GJD3: variants seen among roughly 807,000 people sequenced by gnomAD.
GJD3 encodes gap junction protein delta 3.
For missense variants in GJD3, 421 were observed against 448.5 expected, an observed-to-expected ratio of 0.94 and a Z score of 0.55; for synonymous variants, 217 against 226.7, an observed-to-expected ratio of 0.96 and a Z score of 0.38.
chr17:40,363,092 G>A lies in GJD3; in HGVS notation c.724C>T (p.Pro242Ser). 1.6e-6 allele frequency: 2 copies of A among 1,273,988 alleles called. No homozygotes were observed. Among genetic ancestry groups the A allele is most frequent in the South Asian group, 2.6e-5 (1 of 38,302 alleles). 78.9% of individuals were successfully genotyped at this position (1,273,988 alleles called of 1,614,324 possible). A position where few individuals can be genotyped will look rare whatever the true frequency, so the allele number is the denominator to read the frequency against. ...EEAQKLLPPPPPPPPPPALPS... is the reference protein window; with the variant it reads ...EEAQKLLPPPSPPPPPPALPS... Reference sequence around the variant, plus strand: ...AGGGCCGGTGGCGGAGGTGGCGGCGGCGGCGGCGGGAGCAGCTTCTGCGCC... The same window carrying A: ...AGGGCCGGTGGCGGAGGTGGCGGCGACGGCGGCGGGAGCAGCTTCTGCGCC... Residue 242 changes from proline to serine, a missense_variant, in exon 1 of 1, where the codon CCG (proline) becomes TCG (serine). Pro to Ser is a moderately conservative substitution (Grantham distance 74). Transcript: ENST00000578689. This position sits in a 1 kb window ranked among gnomAD's most constrained non-coding sequence, Gnocchi z 5.5.
At position 40,362,186 on chromosome 17, in the gene GJD3, G is replaced by A. The variant is rs1024508752; in HGVS notation, c.*745C>T. Among the ~76,000 whole-genome samples the A allele has an allele frequency of 2.8e-4, 42 of 151,480 alleles. No individual in the cohort carries two copies. Among genetic ancestry groups the A allele is most frequent in the Admixed American group, 2.6e-4 (4 of 15,218 alleles). On this transcript the variant is annotated 3_prime_UTR_variant, in exon 1 of 1. Transcript: ENST00000578689. Reference sequence around the variant, plus strand: ...CGCGTGCACACACAGAGGTCACGCCGGATGTACACATGCACACATAGCGCA... The same window carrying A: ...CGCGTGCACACACAGAGGTCACGCCAGATGTACACATGCACACATAGCGCA...
chr17:40,363,209 G>A lies in GJD3; in HGVS notation c.607C>T (p.Leu203=). 1 of 1,448,786 alleles carries A rather than the reference G, an allele frequency of 6.9e-7. No homozygotes were observed. Among genetic ancestry groups the A allele is most frequent in the Non-Finnish European group, 9.1e-7 (1 of 1,099,558 alleles). 89.7% of individuals were successfully genotyped at this position (1,448,786 alleles called of 1,614,324 possible). A position where few individuals can be genotyped will look rare whatever the true frequency, so the allele number is the denominator to read the frequency against. ...FYFAVGLLSA[L]LSVAELGHLL... Reference sequence around the variant, plus strand: ...TGGCCCAGCTCGGCTACGCTGAGCAGCGCCGACAGCAGCCCCACCGCGAAA... The same window carrying A: ...TGGCCCAGCTCGGCTACGCTGAGCAACGCCGACAGCAGCCCCACCGCGAAA... Residue 203 remains leucine, a synonymous_variant, in exon 1 of 1, where the codon CTG becomes TTG. Coordinates refer to ENST00000578689, the MANE Select transcript of GJD3 (RefSeq NM_152219.4). The surrounding 1 kb of genome is among the most constrained non-coding windows in gnomAD (Gnocchi z 5.5).
rs955710761 is a variant in GJD3, at chr17:40,363,992, G to A, written c.-177C>T. ...GTATGAAACGGAGGGCCACGGGAGG[G>A]CCCGAGGGGAGCAGGCGACGCTCAG... On this transcript the variant is annotated 5_prime_UTR_variant, in exon 1 of 1. Transcript: ENST00000578689. The surrounding 1 kb of genome is among the most constrained non-coding windows in gnomAD (Gnocchi z 5.5). 7 of 821,916 alleles carry A rather than the reference G, an allele frequency of 8.5e-6. No homozygotes were observed. In the African/African-American group the frequency reaches 1.2e-4, roughly 14 times the overall value. The allele number at this position is 821,916 out of a possible 1,614,324, so 50.9% of individuals were successfully genotyped here.
rs1237827996 is a variant in GJD3 at position 40,362,286 on chromosome 17, TCACA to T, written c.*641_*644del. 6.6e-6 allele frequency among the ~76,000 whole-genome samples: 1 copy of T among 152,106 alleles called. No individual in the cohort carries two copies. Among genetic ancestry groups the T allele is most frequent in the African/African-American group, 2.4e-5 (1 of 41,400 alleles). On this transcript the variant is annotated 3_prime_UTR_variant, in exon 1 of 1. Coordinates refer to ENST00000578689, the MANE Select transcript of GJD3 (RefSeq NM_152219.4). ...ACATGTGCGTGTGTGCACAATGCACTCACACAAAGCTCACAGGGATGTGAGTACA... is the reference window on the plus strand; with the variant it reads ...ACATGTGCGTGTGTGCACAATGCACTCAAAGCTCACAGGGATGTGAGTACA...
Position 40,363,998 on chromosome 17 carries a change from G to T in GJD3, c.-183C>A, listed in dbSNP as rs2034779377. On this transcript the variant is annotated 5_prime_UTR_variant, in exon 1 of 1. Transcript: ENST00000578689. The surrounding 1 kb of genome is among the most constrained non-coding windows in gnomAD (Gnocchi z 5.5). ...AACGGAGGGCCACGGGAGGGCCCGA[G>T]GGGAGCAGGCGACGCTCAGCTATGG... is the stretch of plus-strand genomic sequence containing the variant. The T allele has an allele frequency of 1.3e-6, 1 of 770,514 alleles. No individual in the cohort carries two copies. The highest frequency in any genetic ancestry group is 2.1e-6 in the Non-Finnish European group (1 of 480,484). The allele number at this position is 770,514 out of a possible 1,614,324, so 47.7% of individuals were successfully genotyped here.
chr17:40,363,957 G>A lies in GJD3; in HGVS notation c.-142C>T. ...GAGGTAGGAGAGGCCCGGGTTTAGC[G>A]ATGAGACCAGTATGAAACGGAGGGC... On this transcript the variant is annotated 5_prime_UTR_variant, in exon 1 of 1. Transcript: ENST00000578689. The surrounding 1 kb of genome is among the most constrained non-coding windows in gnomAD (Gnocchi z 5.5). 1.7e-6 allele frequency: 2 copies of A among 1,170,706 alleles called. No homozygotes were observed. Among genetic ancestry groups the A allele is most frequent in the East Asian group, 2.6e-5 (1 of 38,728 alleles). The allele number at this position is 1,170,706 out of a possible 1,614,324, so 72.5% of individuals were successfully genotyped here.
At position 40,363,821 on chromosome 17, in the gene GJD3, TG is replaced by T; in HGVS notation, c.-7del. The T allele has an allele frequency of 1.9e-6, 3 of 1,590,852 alleles. No individual in the cohort carries two copies. The highest frequency in any genetic ancestry group is 2.6e-6 in the Non-Finnish European group (3 of 1,168,266). The stretch of plus-strand genomic sequence containing the variant: ...AGGAACGCCCACTCCCCCATGGCGC[TG>T]GGGACGCGGGGCGGGGAGTCAGGGG... On this transcript the variant is annotated 5_prime_UTR_variant, in exon 1 of 1. Transcript: ENST00000578689. The surrounding 1 kb of genome is among the most constrained non-coding windows in gnomAD (Gnocchi z 5.5).
In GJD3 at chr17:40,362,979, G is replaced by A; in HGVS notation, c.837C>T (p.Gly279=). The A allele has an allele frequency of 8.1e-7, 1 of 1,235,724 alleles. No homozygotes were observed. Among genetic ancestry groups the A allele is most frequent in the Non-Finnish European group, 1.0e-6 (1 of 987,724 alleles). 76.5% of individuals were successfully genotyped at this position (1,235,724 alleles called of 1,614,324 possible). The change falls in exon 1 of 1, where the codon GGC becomes GGT. Residue 279 remains glycine (G), a synonymous_variant. Transcript: ENST00000578689. ...CGGTGGCCGGTGACGCCTTGCCGCGGCCGCTGCCGCACTCGCGGAGGCTGG... is the reference window on the plus strand; with the variant it reads ...CGGTGGCCGGTGACGCCTTGCCGCGACCGCTGCCGCACTCGCGGAGGCTGG... The part of the protein sequence containing the change: ...APASLRECGS[G]RGKASPATGR...
At position 40,363,658 on chromosome 17, in the gene GJD3, A is replaced by G. The variant is rs2034775431; in HGVS notation, c.158T>C (p.Val53Ala). 3 of 1,608,372 alleles carry G rather than the reference A, an allele frequency of 1.9e-6. No individual in the cohort carries two copies. Residue 53 changes from valine (V) to alanine (A), a missense_variant, in exon 1 of 1, where the codon GTG becomes GCG. Coordinates refer to ENST00000578689, the MANE Select transcript of GJD3 (RefSeq NM_152219.4). This position sits in a 1 kb window ranked among gnomAD's most constrained non-coding sequence, Gnocchi z 5.5. ...AVFEDEQEEF[V>A]CNTLQPGCRQ... ...ACAGCCCGGCTGCAGCGTGTTGCAC[A>G]CGAACTCCTCTTGCTCGTCCTCGAA...
rs1169679330 is a variant in GJD3 at position 40,361,032 on chromosome 17, C to T, written c.*1899G>A. The T allele has an allele frequency of 6.6e-6, 3 of 456,486 alleles. No individual in the cohort carries two copies. The highest frequency in any genetic ancestry group is 6.0e-5 in the African/African-American group (3 of 50,072). 28.3% of individuals were successfully genotyped at this position (456,486 alleles called of 1,614,324 possible). ...GCAATGCCATCCTGCAGGAGAAGTG[C>T]TTTCCCTACGGAAGCGAGGGGCATC... On this transcript the variant is annotated 3_prime_UTR_variant, in exon 1 of 1. Coordinates refer to ENST00000578689, the MANE Select transcript of GJD3 (RefSeq NM_152219.4).
chr17:40,362,976 G>A lies in GJD3; in HGVS notation c.840C>T (p.Arg280=). The change falls in exon 1 of 1, where the codon CGC becomes CGT. Residue 280 remains arginine (R), a synonymous_variant. Coordinates refer to ENST00000578689, the MANE Select transcript of GJD3 (RefSeq NM_152219.4). ...GGCCGGTGGCCGGTGACGCCTTGCC[G>A]CGGCCGCTGCCGCACTCGCGGAGGC... The part of the protein sequence containing the change: ...PASLRECGSG[R]GKASPATGRR... 1 of 1,237,402 alleles carries A rather than the reference G, an allele frequency of 8.1e-7. No individual in the cohort carries two copies. Among genetic ancestry groups the A allele is most frequent in the South Asian group, 2.9e-5 (1 of 34,176 alleles). 76.7% of individuals were successfully genotyped at this position (1,237,402 alleles called of 1,614,324 possible).
In GJD3 at chr17:40,363,030, C is replaced by T; in HGVS notation, c.786G>A (p.Pro262=). ...CCGGCGCCGGGTGCGCATAGGCCGG[C>T]GGGGCGCACGGCTCGGGGCCGGGGC... ...SRRPGPEPCA[P]PAYAHPAPAS... Residue 262 remains proline (P), a synonymous_variant, in exon 1 of 1, where the codon CCG becomes CCA. Transcript: ENST00000578689. This position sits in a 1 kb window ranked among gnomAD's most constrained non-coding sequence, Gnocchi z 5.5. 2.5e-6 allele frequency: 3 copies of T among 1,207,294 alleles called. No individual in the cohort carries two copies. Among genetic ancestry groups the T allele is most frequent in the Admixed American group, 4.4e-5 (1 of 22,522 alleles). The allele number at this position is 1,207,294 out of a possible 1,614,324, so 74.8% of individuals were successfully genotyped here. A position where few individuals can be genotyped will look rare whatever the true frequency, so the allele number is the denominator to read the frequency against.
In GJD3 at chr17:40,363,051, G is replaced by A. The variant is rs1294992781; in HGVS notation, c.765C>T (p.Pro255=). ...CCGGCGGGGCGCACGGCTCGGGGCC[G>A]GGGCGCCGGGAGGGCAGGGCCGGTG... ...PPPPALPSRR[P]GPEPCAPPAY... is the part of the protein sequence containing the mutation. Residue 255 remains proline (P), a synonymous_variant, in exon 1 of 1, where the codon CCC becomes CCT. Coordinates refer to ENST00000578689, the MANE Select transcript of GJD3 (RefSeq NM_152219.4). This position sits in a 1 kb window ranked among gnomAD's most constrained non-coding sequence, Gnocchi z 5.5. The A allele has an allele frequency of 5.7e-6, 7 of 1,227,138 alleles. No homozygotes were observed. Among genetic ancestry groups the A allele is most frequent in the Admixed American group, 4.3e-5 (1 of 23,052 alleles). 76.0% of individuals were successfully genotyped at this position (1,227,138 alleles called of 1,614,324 possible). A position where few individuals can be genotyped will look rare whatever the true frequency, so the allele number is the denominator to read the frequency against.
rs776177085 is a variant in GJD3 at position 40,363,590 on chromosome 17, G to A, written c.226C>T (p.Arg76Cys). Residue 76 changes from arginine (R) to cysteine (C), a missense_variant, in exon 1 of 1, where the codon CGC becomes TGC. Arg to Cys is a radical substitution (Grantham distance 180). Coordinates refer to ENST00000578689, the MANE Select transcript of GJD3 (RefSeq NM_152219.4). This position sits in a 1 kb window ranked among gnomAD's most constrained non-coding sequence, Gnocchi z 5.5. ...AGCAGGATGTGGAAGAGCCAGAAGCGGTAGTGGGAGACCGGGAAGGCGCGG... is the reference window on the plus strand; with the variant it reads ...AGCAGGATGTGGAAGAGCCAGAAGCAGTAGTGGGAGACCGGGAAGGCGCGG... ...YDRAFPVSHY[R>C]FWLFHILLLS... The A allele has an allele frequency of 1.3e-6, 2 of 1,598,878 alleles. No individual in the cohort carries two copies. Among genetic ancestry groups the A allele is most frequent in the Non-Finnish European group, 1.7e-6 (2 of 1,173,366 alleles).
chr17:40,363,253 GTCTTCTCGGTGGGCCGGC>G lies in GJD3; in HGVS notation c.545_562del (p.Ser182_Lys187del). The stretch of plus-strand genomic sequence containing the variant: ...CGCGAAATAGAAGAGCACGAAGACG[GTCTTCTCGGTGGGCCGGC>G]TCACGAAGCAGTCGACCGTGTGCGG... On this transcript the variant is annotated inframe_deletion, in exon 1 of 1. Coordinates refer to ENST00000578689, the MANE Select transcript of GJD3 (RefSeq NM_152219.4). The surrounding 1 kb of genome is among the most constrained non-coding windows in gnomAD (Gnocchi z 5.5). 6.9e-7 allele frequency: 1 copy of G among 1,443,222 alleles called. No individual in the cohort carries two copies. Among genetic ancestry groups the G allele is most frequent in the African/African-American group, 1.5e-5 (1 of 68,048 alleles). The allele number at this position is 1,443,222 out of a possible 1,614,324, so 89.4% of individuals were successfully genotyped here.
In GJD3 at chr17:40,362,251, C is replaced by T. The variant is rs968713798; in HGVS notation, c.*680G>A. Among the ~76,000 whole-genome samples, 1 of 152,124 alleles carries T rather than the reference C, an allele frequency of 6.6e-6. No homozygotes were observed. Among genetic ancestry groups the T allele is most frequent in the African/African-American group, 2.4e-5 (1 of 41,406 alleles). On this transcript the variant is annotated 3_prime_UTR_variant, in exon 1 of 1. Coordinates refer to ENST00000578689, the MANE Select transcript of GJD3 (RefSeq NM_152219.4). ...TGTACAGGTGTGCACACGCAGCCCA[C>T]ACAGAATGGACATGTGCGTGTGTGC...
In GJD3 at chr17:40,363,504, C is replaced by A. The variant is rs760199797; in HGVS notation, c.312G>T (p.Ala104=). 8.4e-6 allele frequency: 13 copies of A among 1,549,814 alleles called. No homozygotes were observed. The African/African-American group carries it at 1.4e-4, about 16-fold the overall frequency. The change falls in exon 1 of 1, where the codon GCG becomes GCT. Residue 104 remains alanine (A), a synonymous_variant. Transcript: ENST00000578689. The surrounding 1 kb of genome is among the most constrained non-coding windows in gnomAD (Gnocchi z 5.5). Reference sequence around the variant, plus strand: ...ACTGCGCCGCCGCCTCAGCGCCGCCCGCCTCCTTGCCTGCCCGGTGCATGG... The same window carrying A: ...ACTGCGCCGCCGCCTCAGCGCCGCCAGCCTCCTTGCCTGCCCGGTGCATGG... ...VYSMHRAGKE[A]GGAEAAAQCA... is the part of the protein sequence containing the mutation.
chr17:40,363,531 GT>G lies in GJD3; in HGVS notation c.284del (p.Tyr95SerfsTer44). On this transcript the variant is annotated frameshift_variant, in exon 1 of 1. Transcript: ENST00000578689. LOFTEE classifies it low-confidence loss of function (END_TRUNC). The surrounding 1 kb of genome is among the most constrained non-coding windows in gnomAD (Gnocchi z 5.5). ...LSAPPVLFVV[Y>X]SMHRAGKEAG... ...CCTCCTTGCCTGCCCGGTGCATGGA[GT>G]AGACGACGAACAGCACCGGGGGCGC... 1 of 1,565,998 alleles carries G rather than the reference GT, an allele frequency of 6.4e-7. No individual in the cohort carries two copies. Among genetic ancestry groups the G allele is most frequent in the Non-Finnish European group, 8.6e-7 (1 of 1,156,474 alleles).
Position 40,363,297 on chromosome 17 carries a change from G to A in GJD3, c.519C>T (p.Cys173=). 6.4e-6 allele frequency: 9 copies of A among 1,410,480 alleles called. No individual in the cohort carries two copies. Among genetic ancestry groups the A allele is most frequent in the African/African-American group, 1.5e-5 (1 of 67,128 alleles). The allele number at this position is 1,410,480 out of a possible 1,614,324, so 87.4% of individuals were successfully genotyped here. ...TCACGAAGCAGTCGACCGTGTGCGG[G>A]CAGGGCGGACCGGCGCACGCGAAGT... ...APHFACAGPP[C]PHTVDCFVSR... Residue 173 remains cysteine (C), a synonymous_variant, in exon 1 of 1, where the codon TGC becomes TGT. Transcript: ENST00000578689. This position sits in a 1 kb window ranked among gnomAD's most constrained non-coding sequence, Gnocchi z 5.5.
Sources: allele counts gnomAD v4.1 joint callset (sites outside exome capture counted in the v4.1 genomes callset), GRCh38; gene constraint gnomAD v4.1.1; non-coding constraint Gnocchi (gnomAD v3.1); transcripts MANE v1.5; gene names NCBI Gene and HGNC (gene_info 2026-07-23, HGNC 2026-07-21).